ZFYVE26: variants seen among roughly 807,000 people sequenced by gnomAD.
ZFYVE26 encodes zinc finger FYVE domain-containing protein 26.
A neutral mutation model predicts 276.5 loss-of-function variants in ZFYVE26; 181 were observed. That is an observed-to-expected ratio of 0.65 (90% confidence interval 0.58 to 0.74). The LOEUF (loss-of-function observed/expected upper bound fraction) is 0.74, where lower values mean the gene tolerates loss of function less well. Ranked by LOEUF, ZFYVE26 falls within the 30% of genes least tolerant of loss-of-function variation. The pLI, the probability that ZFYVE26 is intolerant of heterozygous loss-of-function variation, is 0.00. For synonymous variants in ZFYVE26, 1,129 were observed against 1,203.1 expected (o/e 0.94, Z 1.27); for missense variants, 2,821 against 3,097.9 (o/e 0.91, Z 2.12).
chr14:67,807,693 A>C lies in ZFYVE26; in HGVS notation c.591T>G (p.Ile197Met), dbSNP rs1255731461. 1 of 1,614,114 alleles carries C rather than the reference A, an allele frequency of 6.2e-7. No homozygotes were observed. The highest frequency in any genetic ancestry group is 8.5e-7 in the Non-Finnish European group (1 of 1,180,004). Residue 197 changes from isoleucine to methionine, a missense_variant, in exon 5 of 42, where the codon ATT becomes ATG. Physicochemically the swap from Ile to Met is conservative, Grantham distance 10. Transcript: ENST00000347230. ...CCTGCAAAGCCCGCAATGCCTTTCG[A>C]ATGAGGTCCACCAGTGCATTCTGCA... Reference protein sequence around the residue: ...WPLQNALVDLIRKALRALQGP... With the variant: ...WPLQNALVDLMRKALRALQGP...
exon 14 of ZFYVE26, chr14:67,729,666 TGC>T: frequency 1.7e-6 from 1 of 592,226 alleles, no homozygotes; most frequent in Non-Finnish European, 3.1e-6. Flanking sequence ...CTGTTGGTTA[TGC>T]CATGGAGATC....
At chr14:67,781,858 T>C (rs756526209) in intron 21 of ZFYVE26, among the ~76,000 whole-genome samples, 86 of 152,294 alleles carry the variant, frequency 5.6e-4, no homozygotes, top group Non-Finnish European at 1.2e-3. Context: ...ATGCTGAACA[T>C]ATAGGACTGT....
Position 67,790,643 on chromosome 14 carries a change from C to T in ZFYVE26, c.2684G>A (p.Gly895Asp), listed in dbSNP as rs748623553. The T allele has an allele frequency of 2.5e-6, 4 of 1,614,158 alleles. No homozygotes were observed. Among genetic ancestry groups the T allele is most frequent in the East Asian group, 2.2e-5 (1 of 44,884 alleles). The part of the protein sequence containing the change: ...HKIENQNSDA[G>D]SSTIRRTGSG... ...GCCAGTTCTCCGAATGGTGCTGCTA[C>T]CCGCATCTGAGTTCTGGTTTTCAAT... Residue 895 changes from glycine to aspartate, a missense_variant, in exon 15 of 42, where the codon GGT becomes GAT. Transcript: ENST00000347230.
At position 67,750,118 on chromosome 14, in the gene ZFYVE26, G is replaced by A. The variant is rs547857692; in HGVS notation, c.7416+934C>T. Among the ~76,000 whole-genome samples the A allele has an allele frequency of 1.2e-3, 177 of 152,298 alleles. 1 individual carries two copies. Among genetic ancestry groups the A allele is most frequent in the African/African-American group, 4.2e-3 (173 of 41,564 alleles). ...AGTCTGGGAATCAGAGGACCTGGGC[G>A]TCTGTCCTGGCTGTTAGGTTCTCAG... On this transcript the variant is annotated intron_variant, in intron 41 of 41. Coordinates refer to ENST00000347230, the MANE Select transcript of ZFYVE26 (RefSeq NM_015346.4).
intron 34 of ZFYVE26, 50 bp from the exon 35 acceptor site, chr14:67,761,634 G>A: frequency 6.6e-7 from 1 of 1,526,652 alleles, no homozygotes; most frequent in Non-Finnish European, 9.0e-7. Flanking sequence ...AAAGTTCTCA[G>A]CAGGCACTGA....
Position 67,766,355 on chromosome 14 carries a change from G to C in ZFYVE26, c.5883C>G (p.Leu1961=). 6.2e-7 allele frequency: 1 copy of C among 1,613,234 alleles called. No homozygotes were observed. Among genetic ancestry groups the C allele is most frequent in the Non-Finnish European group, 8.5e-7 (1 of 1,180,028 alleles). ...CCTCTGGGTTGGTGAGGCCCTTGGA[G>C]AGCCTGCAGCAGTGCTCAATCAGCT... ...GHQLIEHCCR[L]SKGLTNPEVD... Residue 1961 remains leucine (L), a synonymous_variant, in exon 32 of 42, where the codon CTC becomes CTG. Transcript: ENST00000347230.
intron 4 of ZFYVE26, 72 bp downstream of exon 4, chr14:67,809,128 C>T (rs2040240953): frequency 2.3e-6 from 3 of 1,317,344 alleles, no homozygotes; most frequent in South Asian, 2.3e-5. Flanking sequence ...CCTCTCTCTT[C>T]TGGGTCCATG....
At chr14:67,756,229 G>T in intron 35 of ZFYVE26, 84 bp from the exon 36 acceptor site, 1 of 1,403,434 alleles carries the variant, frequency 7.1e-7, no homozygotes, top group Non-Finnish European at 1.0e-6. Context: ...TCCTTCTATT[G>T]ATGAACCTTC....
chr14:67,810,354 A>G (rs2040274683), intron 3 of ZFYVE26, among the ~76,000 whole-genome samples: 1 of 152,202 alleles, frequency 6.6e-6, no homozygotes, highest in Admixed American at 6.5e-5. Context: ...CATAGCAGTG[A>G]AAGAAGAACA....
At chr14:67,799,359 T>C (rs1249964167) in intron 10 of ZFYVE26, 1 of 1,611,102 alleles carries the variant, frequency 6.2e-7, no homozygotes, top group Non-Finnish European at 8.5e-7. Flanking sequence ...TATAAGGCCT[T>C]TGTCAAAGAA....
In ZFYVE26 at chr14:67,807,841, C is replaced by T. The variant is rs144919978; in HGVS notation, c.443G>A (p.Arg148His). Reference sequence around the variant, plus strand: ...CACAGAGACAGCTTCGGAGCTGAGACGAGGAGTCCAGCTCTCCCTCCTTGG... The same window carrying T: ...CACAGAGACAGCTTCGGAGCTGAGATGAGGAGTCCAGCTCTCCCTCCTTGG... ...GNPRRESWTP[R>H]LSSEAVSVLW... Residue 148 changes from arginine (R) to histidine (H), a missense_variant, in exon 5 of 42, where the codon CGT becomes CAT. By Grantham distance (29) the Arg-to-His change is conservative (BLOSUM62 0). Coordinates refer to ENST00000347230, the MANE Select transcript of ZFYVE26 (RefSeq NM_015346.4). 66 of 1,613,896 alleles carry T rather than the reference C, an allele frequency of 4.1e-5. 1 individual carries two copies. Among genetic ancestry groups the T allele is most frequent in the East Asian group, 3.3e-4 (15 of 44,876 alleles).
chr14:67,798,792 G>A (rs1296743249), intron 10 of ZFYVE26, among the ~76,000 whole-genome samples, 170 bp from the exon 11 acceptor site: 3 of 152,238 alleles, frequency 2.0e-5, no homozygotes, highest in Non-Finnish European at 4.4e-5. Context: ...GACTTAGGAT[G>A]TCTTTTAATG....
intron 13 of ZFYVE26, among the ~76,000 whole-genome samples, chr14:67,738,560 T>C (rs768651609): frequency 4.0e-5 from 6 of 151,800 alleles, no homozygotes; most frequent in Non-Finnish European, 5.9e-5. Context: ...GAATGATGTG[T>C]TCTGTGTAGT....
At chr14:67,750,117 C>T (rs535672128) in intron 41 of ZFYVE26, among the ~76,000 whole-genome samples, 4 of 152,254 alleles carry the variant, frequency 2.6e-5, no homozygotes, top group Non-Finnish European at 4.4e-5. Flanking sequence ...AGGACCTGGG[C>T]GTCTGTCCTG....
At chr14:67,742,548 T>C (rs1214874630), downstream of ZFYVE26, among the ~76,000 whole-genome samples, 1 of 152,192 alleles carries the variant, frequency 6.6e-6, no homozygotes, top group Non-Finnish European at 1.5e-5. Flanking sequence ...ATGGAGTTGG[T>C]AGAAGGTGCA....
At chr14:67,785,794 T>C in intron 18 of ZFYVE26, 64 bp downstream of exon 18, 1 of 1,609,974 alleles carries the variant, frequency 6.2e-7, no homozygotes, top group Non-Finnish European at 8.5e-7. Flanking sequence ...AGTGCTTCGT[T>C]ACTCTCAGCT....
chr14:67,798,571 C>A lies in ZFYVE26; in HGVS notation c.1691G>T (p.Cys564Phe), dbSNP rs2040010018. The A allele has an allele frequency of 1.9e-6, 3 of 1,614,106 alleles. No homozygotes were observed. The East Asian group carries it at 6.7e-5, about 36-fold the overall frequency. ...TYLARCQQYL[C>F]SIPDSLCLEL... ...CAGGCACAGAGAGTCAGGAATACTG[C>A]ACAGATACTGTTGACACCTGGCCAG... Residue 564 changes from cysteine to phenylalanine, a missense_variant, in exon 11 of 42, where the codon TGC (cysteine) becomes TTC (phenylalanine). Physicochemically the swap from Cys to Phe is radical, Grantham distance 205. Transcript: ENST00000347230.
intron 35 of ZFYVE26, chr14:67,760,908 T>C (rs2038911903): frequency 9.5e-6 from 3 of 315,438 alleles, no homozygotes; most frequent in Admixed American, 4.5e-5. Flanking sequence ...GGTTCAACTA[T>C]AGGATTGGCA....
intron 30 of ZFYVE26, among the ~76,000 whole-genome samples, chr14:67,768,232 GA>G (rs1040210305): frequency 6.6e-6 from 1 of 152,176 alleles, no homozygotes; most frequent in Non-Finnish European, 1.5e-5. Flanking sequence ...ATGGTAAAGG[GA>G]AACTTAAGAA....
Sources: allele counts gnomAD v4.1 joint callset (sites outside exome capture counted in the v4.1 genomes callset), GRCh38; gene constraint gnomAD v4.1.1; transcripts MANE v1.5; gene names NCBI Gene and HGNC (gene_info 2026-07-23, HGNC 2026-07-21).